The following HMG20B variants were observed in gnomAD, a reference collection of about 807,000 sequenced individuals.
HMG20B encodes high mobility group 20B, also known as SWI/SNF-related matrix-associated actin-dependent regulator of chromatin subfamily E member 1-related.
Under a neutral mutation model 41.6 loss-of-function variants are expected in HMG20B, and 24 were observed. The ratio of observed to expected loss-of-function variants is 0.58; its 90% CI spans 0.42 to 0.81. The LOEUF (loss-of-function observed/expected upper bound fraction) is 0.81, where lower values mean the gene tolerates loss of function less well. Among genes scored for constraint, HMG20B ranks in the 30% least tolerant of loss-of-function variants. The pLI is 0.00. For synonymous variants in HMG20B, 251 were observed against 186.6 expected (o/e 1.34, Z -2.81); for missense variants, 461 against 444.0 (o/e 1.04, Z -0.34).
At chr19:3,573,993 AC>A in intron 3 of HMG20B, 193 bp downstream of exon 3, 1 of 701,172 alleles carries the variant, frequency 1.4e-6, no homozygotes, top group African/African-American at 1.8e-5. Flanking sequence ...GGCCCCGCCC[AC>A]CGCACAATGC....
chr19:3,578,451 C>A, intron 9 of HMG20B, 58 bp from the exon 10 acceptor site: 1 of 1,467,614 alleles, frequency 6.8e-7, no homozygotes, highest in South Asian at 1.4e-5. Flanking sequence ...TCCCCAGGGC[C>A]GGGGTGGGGG....
chr19:3,574,210 C>T (rs2032106036), intron 3 of HMG20B, 173 bp from the exon 4 acceptor site: 1 of 642,050 alleles, frequency 1.6e-6, no homozygotes, highest in African/African-American at 1.8e-5. Flanking sequence ...ATCCCTCTAA[C>T]CCACCGTGTC....
At position 3,576,320 on chromosome 19, in the gene HMG20B, C is replaced by A. The variant is rs1299525575; in HGVS notation, c.519+13C>A. ...GAATGGACACAAGGTAAGCGACCTTCTTCCTCTCAAAGCACCTGGGGGAGA... is the reference window on the plus strand; with the variant it reads ...GAATGGACACAAGGTAAGCGACCTTATTCCTCTCAAAGCACCTGGGGGAGA... On this transcript the variant is annotated intron_variant, in intron 6 of 9. Coordinates refer to ENST00000333651, the MANE Select transcript of HMG20B (RefSeq NM_006339.3). The A allele has an allele frequency of 3.2e-6, 5 of 1,542,076 alleles. No individual in the cohort carries two copies. The highest frequency in any genetic ancestry group is 4.4e-6 in the Non-Finnish European group (5 of 1,138,864).
rs1555701744 is a variant in HMG20B, at chr19:3,573,246, C to A, written c.-18-46C>A. The A allele has an allele frequency of 3.3e-5, 49 of 1,467,482 alleles. No individual in the cohort carries two copies. In the South Asian group the frequency reaches 5.5e-4, roughly 17 times the overall value. 90.9% of individuals were successfully genotyped at this position (1,467,482 alleles called of 1,614,324 possible). On this transcript the variant is annotated intron_variant, in intron 1 of 9. Transcript: ENST00000333651. ...GGTACCCCAGTTCGCGGTCTGCCATCGGGCAGCCCGGGCGCTACTCACCTC... is the reference window on the plus strand; with the variant it reads ...GGTACCCCAGTTCGCGGTCTGCCATAGGGCAGCCCGGGCGCTACTCACCTC...
Position 3,576,923 on chromosome 19 carries a change from G to A in HMG20B, c.624G>A (p.Lys208=), listed in dbSNP as rs1221288536. 3.8e-6 allele frequency: 6 copies of A among 1,583,042 alleles called. No individual in the cohort carries two copies. The highest frequency in any genetic ancestry group is 5.1e-6 in the Non-Finnish European group (6 of 1,166,298). ...AGGCGGAGCTTCGGCGCTTGCGGAA[G>A]ATGAATGTGGCCTTCGAGGAGCAGA... The part of the protein sequence containing the change: ...AREAELRRLR[K]MNVAFEEQNA... The change falls in exon 8 of 10, where the codon AAG becomes AAA. Residue 208 remains lysine, a synonymous_variant. Coordinates refer to ENST00000333651, the MANE Select transcript of HMG20B (RefSeq NM_006339.3).
chr19:3,573,628 G>T, intron 2 of HMG20B, 64 bp from the exon 3 acceptor site: 1 of 1,385,204 alleles, frequency 7.2e-7, no homozygotes, highest in South Asian at 1.6e-5. Context: ...AAACGCCCTG[G>T]GGTGGGCTTT....
At chr19:3,577,144 C>A in intron 8 of HMG20B, 37 bp downstream of exon 8, 2 of 1,367,390 alleles carry the variant, frequency 1.5e-6, no homozygotes, top group South Asian at 1.5e-5. Flanking sequence ...CCGCCCCGGT[C>A]ACCCGGCCCC....
At position 3,572,984 on chromosome 19, in the gene HMG20B, T is replaced by G; in HGVS notation, c.-29T>G. On this transcript the variant is annotated 5_prime_UTR_variant, in exon 1 of 10. Transcript: ENST00000333651. ...CGCGCAGTCGGGAGGTCCGGGAAAG[T>G]TTCTTTGGAGGTGAAAACAGCCGCG... 1 of 319,642 alleles carries G rather than the reference T, an allele frequency of 3.1e-6. No homozygotes were observed. The highest frequency in any genetic ancestry group is 5.8e-6 in the Non-Finnish European group (1 of 173,490). The allele number at this position is 319,642 out of a possible 1,614,324, so 19.8% of individuals were successfully genotyped here.
In HMG20B at chr19:3,579,034, C is replaced by T; in HGVS notation, c.*513C>T. 2.9e-6 allele frequency: 1 copy of T among 344,986 alleles called. No individual in the cohort carries two copies. Among genetic ancestry groups the T allele is most frequent in the South Asian group, 2.2e-5 (1 of 45,152 alleles). 21.4% of individuals were successfully genotyped at this position (344,986 alleles called of 1,614,324 possible). ...CCCTGGTGGGGGTGGCTCCTTCTCACTGCTGGATCCGGACTTTTTAAATAA... is the reference window on the plus strand; with the variant it reads ...CCCTGGTGGGGGTGGCTCCTTCTCATTGCTGGATCCGGACTTTTTAAATAA... On this transcript the variant is annotated 3_prime_UTR_variant, in exon 10 of 10. Coordinates refer to ENST00000333651, the MANE Select transcript of HMG20B (RefSeq NM_006339.3). This position sits in a 1 kb window ranked among gnomAD's most constrained non-coding sequence, Gnocchi z 7.4.
chr19:3,573,256 G>A (rs1437218579), intron 1 of HMG20B, 36 bp from the exon 2 acceptor site: 41 of 1,497,034 alleles, frequency 2.7e-5, no homozygotes, highest in Non-Finnish European at 3.4e-5. Flanking sequence ...CGGGCAGCCC[G>A]GGCGCTACTC....
At chr19:3,576,503 G>A (rs1169498496) in intron 6 of HMG20B, 50 bp from the exon 7 acceptor site, 5 of 1,538,600 alleles carry the variant, frequency 3.2e-6, no homozygotes, top group Admixed American at 1.7e-5. Context: ...CCCAGAGAGC[G>A]TGGCTGCCTC....
At chr19:3,575,505 TC>T (rs1338467067) in intron 4 of HMG20B, 34 bp from the exon 5 acceptor site, 2 of 1,557,524 alleles carry the variant, frequency 1.3e-6, no homozygotes, top group African/African-American at 1.4e-5. Context: ...GTTGGAGGCT[TC>T]CCCTGCTTCA....
In HMG20B at chr19:3,578,572, C is replaced by G. The variant is rs1258212777; in HGVS notation, c.*51C>G. The G allele has an allele frequency of 5.1e-6, 8 of 1,553,834 alleles. No individual in the cohort carries two copies. ...GGAGAAGCTGTGGGCGCGGCCCTGC[C>G]ACACCCCACCCCGTGGACGAGAGGC... is the stretch of plus-strand genomic sequence containing the variant. On this transcript the variant is annotated 3_prime_UTR_variant, in exon 10 of 10. Transcript: ENST00000333651.
intron 4 of HMG20B, 116 bp from the exon 5 acceptor site, chr19:3,575,424 T>C (rs10420721): frequency 0.038 from 55,779 of 1,486,866 alleles, 2,096 homozygotes; most frequent in African/African-American, 0.18. Flanking sequence ...CTGGAGGGAA[T>C]AGGGAGCTAT....
intron 5 of HMG20B, chr19:3,576,053 G>A: frequency 1.7e-6 from 1 of 599,578 alleles, no homozygotes; most frequent in East Asian, 2.8e-5. Flanking sequence ...GCCTCCCTCC[G>A]TGGGGCACAG....
intron 8 of HMG20B, 81 bp downstream of exon 8, chr19:3,577,188 T>TCC (rs2032186125): frequency 4.1e-5 from 37 of 908,236 alleles, no homozygotes; most frequent in East Asian, 6.6e-5. Flanking sequence ...CTTCCCCCCT[T>TCC]CCCCTGTCGC....
At position 3,574,505 on chromosome 19, in the gene HMG20B, G is replaced by C; in HGVS notation, c.270G>C (p.Thr90=). The stretch of plus-strand genomic sequence containing the variant: ...ACGAGCGGCGCGAGCAGATCCGCAC[G>C]CGCCACCCGGATCTGCCCTTTCCCG... ...FLNERREQIR[T]RHPDLPFPEI... The change falls in exon 4 of 10, where the codon ACG becomes ACC. Residue 90 remains threonine, a synonymous_variant. Coordinates refer to ENST00000333651, the MANE Select transcript of HMG20B (RefSeq NM_006339.3). The C allele has an allele frequency of 6.2e-7, 1 of 1,605,974 alleles. No homozygotes were observed. The highest frequency in any genetic ancestry group is 8.5e-7 in the Non-Finnish European group (1 of 1,177,322).
Position 3,574,401 on chromosome 19 carries a change from T to A in HMG20B, c.166T>A (p.Trp56Arg). 6.3e-7 allele frequency: 1 copy of A among 1,597,356 alleles called. No homozygotes were observed. Among genetic ancestry groups the A allele is most frequent in the Non-Finnish European group, 8.5e-7 (1 of 1,172,802 alleles). ...TCTGCAGCCGGTGAAGAAACGCGGC[T>A]GGCCCAAGGGCAAGAAGCGGAAGAA... ...HEEEPVKKRG[W>R]PKGKKRKKIL... is the part of the protein sequence containing the mutation. Residue 56 changes from tryptophan (W) to arginine (R), a missense_variant, in exon 4 of 10, where the codon TGG becomes AGG. By Grantham distance (101) the Trp-to-Arg change is moderately radical. Around this residue, in one of 3 missense-constraint regions of HMG20B, gnomAD observed 49 missense variants for 84.1 expected, o/e 0.58. Transcript: ENST00000333651.
At chr19:3,573,477 C>A in intron 2 of HMG20B, 130 bp downstream of exon 2, 1 of 1,065,332 alleles carries the variant, frequency 9.4e-7, no homozygotes, top group East Asian at 3.0e-5. Flanking sequence ...CTTCTCCCTC[C>A]ACCCAATTCT....
Sources: gnomAD v4.1 joint callset for allele counts on GRCh38, gnomAD v4.1.1 for gene constraint, gnomAD v4.1.1 regional missense constraint, Gnocchi (gnomAD v3.1) non-coding constraint, MANE v1.5 for transcripts, NCBI Gene and HGNC (gene_info 2026-07-23, HGNC 2026-07-21) for gene names.